The following FZD3 variants were observed in gnomAD, a reference collection of about 807,000 sequenced individuals.
FZD3 encodes frizzled-3.
In FZD3, 30 loss-of-function variants were observed where a neutral mutation model predicts 60.7. The observed-to-expected ratio is 0.49, with a 90% CI of 0.37 to 0.67. FZD3 has a LOEUF of 0.67. Ranked by LOEUF, FZD3 falls within the 30% of genes least tolerant of loss-of-function variation. The probability of loss-of-function intolerance (pLI) is 0.00; values close to 1 mark genes in which losing one functional copy is unlikely to be tolerated. For missense variants in FZD3, 605 were observed against 838.7 expected, an observed-to-expected ratio of 0.72 and a Z score of 3.44; for synonymous variants, 246 against 275.2, an observed-to-expected ratio of 0.89 and a Z score of 1.05.
At position 28,531,552 on chromosome 8, in the gene FZD3, G is replaced by A. The variant is rs117370953; in HGVS notation, c.1404+3388G>A. Among the ~76,000 whole-genome samples the A allele has an allele frequency of 7.2e-3, 1,101 of 152,184 alleles. 9 individuals carry two copies. The highest frequency in any genetic ancestry group is 0.011 in the Non-Finnish European group (748 of 67,974). On this transcript the variant is annotated intron_variant, in intron 5 of 7. Transcript: ENST00000240093. ...GCTATAAGCATGTTCAACTTAAGTC[G>A]TTATTTTAATTTATACGCACACCAG...
chr8:28,521,735 A>G (rs569489853), intron 4 of FZD3, among the ~76,000 whole-genome samples: 34 of 152,270 alleles, frequency 2.2e-4, no homozygotes, highest in African/African-American at 7.0e-4. Context: ...GTATCTATCT[A>G]TGTTTGTACC....
intron 4 of FZD3, among the ~76,000 whole-genome samples, chr8:28,525,216 C>G (rs1338302826): frequency 1.3e-5 from 2 of 151,954 alleles, no homozygotes; most frequent in Non-Finnish European, 2.9e-5. Context: ...TTCTAGATGT[C>G]GAAGATGAGC....
At chr8:28,541,406 A>C (rs1210690617) in intron 5 of FZD3, among the ~76,000 whole-genome samples, 2 of 152,192 alleles carry the variant, frequency 1.3e-5, no homozygotes, top group African/African-American at 4.8e-5. Flanking sequence ...CTTCTTGCCT[A>C]ATTGGAGGTT....
chr8:28,494,968 G>T (rs1803803367), intron 1 of FZD3, among the ~76,000 whole-genome samples: 1 of 152,108 alleles, frequency 6.6e-6, no homozygotes, highest in Non-Finnish European at 1.5e-5. Flanking sequence ...TCCCTTCCGC[G>T]AGCTTCCCCC....
At chr8:28,543,263 A>G (rs938304013) in intron 5 of FZD3, among the ~76,000 whole-genome samples, 4 of 152,104 alleles carry the variant, frequency 2.6e-5, no homozygotes, top group Non-Finnish European at 5.9e-5. Context: ...CCTCTTTACA[A>G]ATAATTATTT....
chr8:28,525,343 G>A (rs750589646), intron 4 of FZD3, among the ~76,000 whole-genome samples: 1 of 152,188 alleles, frequency 6.6e-6, no homozygotes, highest in Non-Finnish European at 1.5e-5. Flanking sequence ...GTAGGTGATA[G>A]GGATACAATA....
chr8:28,530,549 CTAT>C (rs907842428), intron 5 of FZD3: 3 of 152,024 alleles, frequency 2.0e-5, no homozygotes, highest in African/African-American at 7.2e-5. Flanking sequence ...TCTGTATTGT[CTAT>C]TATTGTTGTT....
At chr8:28,516,862 T>C (rs1379151535) in intron 3 of FZD3, among the ~76,000 whole-genome samples, 1 of 152,182 alleles carries the variant, frequency 6.6e-6, no homozygotes, top group Admixed American at 6.5e-5. Context: ...CCCTAAAAAT[T>C]ATGATGTGTA....
At chr8:28,554,838 A>G (rs1161089300) in intron 6 of FZD3, among the ~76,000 whole-genome samples, 2 of 152,174 alleles carry the variant, frequency 1.3e-5, no homozygotes, top group Non-Finnish European at 2.9e-5. Context: ...ATTTCTCAAT[A>G]TATGATCCAA....
At chr8:28,533,870 G>T (rs1015807751) in intron 5 of FZD3, among the ~76,000 whole-genome samples, 9 of 151,966 alleles carry the variant, frequency 5.9e-5, no homozygotes, top group Non-Finnish European at 1.3e-4. Context: ...TTCTATATGT[G>T]AGTCCCATGA....
At chr8:28,546,333 C>T (rs1444937959) in intron 5 of FZD3, among the ~76,000 whole-genome samples, 1 of 152,190 alleles carries the variant, frequency 6.6e-6, no homozygotes, top group African/African-American at 2.4e-5. Flanking sequence ...AAATGACCAT[C>T]GAAATAGGCA....
In FZD3 at chr8:28,496,184, C is replaced by A. The variant is rs557019466; in HGVS notation, c.-391+1841C>A. On this transcript the variant is annotated intron_variant, in intron 1 of 7. Coordinates refer to ENST00000240093, the MANE Select transcript of FZD3 (RefSeq NM_017412.4). Reference sequence around the variant, plus strand: ...TTCTTTGTATAGAACAAAGTGAAAGCTTTATCACTGGGGAAGGAGAGAGGA... The same window carrying A: ...TTCTTTGTATAGAACAAAGTGAAAGATTTATCACTGGGGAAGGAGAGAGGA... Among the ~76,000 whole-genome samples the A allele has an allele frequency of 2.0e-5, 3 of 152,272 alleles. No homozygotes were observed. The South Asian group carries it at 6.2e-4, about 32-fold the overall frequency.
chr8:28,494,868 C>T (rs188722437), intron 1 of FZD3, among the ~76,000 whole-genome samples: 2 of 152,102 alleles, frequency 1.3e-5, no homozygotes, highest in African/African-American at 2.4e-5. Flanking sequence ...GCCAGGCTCC[C>T]GGCCCCGGCT....
intron 6 of FZD3, among the ~76,000 whole-genome samples, chr8:28,554,806 A>C (rs13267664): frequency 9.2e-5 from 14 of 151,860 alleles, no homozygotes; most frequent in Non-Finnish European, 2.1e-4. Context: ...CTTTTGTAAT[A>C]TGAGAATTTA....
intron 3 of FZD3, among the ~76,000 whole-genome samples, chr8:28,517,626 G>A (rs1254845250): frequency 6.6e-6 from 1 of 151,924 alleles, no homozygotes; most frequent in Non-Finnish European, 1.5e-5. Flanking sequence ...TTTTTGGTCT[G>A]TGACCTTCTT....
In FZD3 at chr8:28,566,669, T is replaced by C. The variant is rs1382446179; in HGVS notation, c.*3658T>C. 6.6e-6 allele frequency: 1 copy of C among 152,194 alleles called. No individual in the cohort carries two copies. Among genetic ancestry groups the C allele is most frequent in the Non-Finnish European group, 1.5e-5 (1 of 68,024 alleles). 9.4% of individuals were successfully genotyped at this position (152,194 alleles called of 1,614,324 possible). A position where few individuals can be genotyped will look rare whatever the true frequency, so the allele number is the denominator to read the frequency against. Reference sequence around the variant, plus strand: ...AAATTAGTGAATCATTTGCTGGAGCTTAGAAAATATTAACATACCAAAATT... The same window carrying C: ...AAATTAGTGAATCATTTGCTGGAGCCTAGAAAATATTAACATACCAAAATT... On this transcript the variant is annotated 3_prime_UTR_variant, in exon 8 of 8. Transcript: ENST00000240093.
At chr8:28,508,236 TTTC>T (rs1329012887) in intron 3 of FZD3, among the ~76,000 whole-genome samples, 2 of 151,998 alleles carry the variant, frequency 1.3e-5, no homozygotes, top group Non-Finnish European at 2.9e-5. Flanking sequence ...TGTTTAACAG[TTTC>T]TTTTCTTTCT....
chr8:28,557,741 AT>A (rs2130469125), intron 7 of FZD3, among the ~76,000 whole-genome samples: 1 of 152,216 alleles, frequency 6.6e-6, no homozygotes, highest in South Asian at 2.1e-4. Flanking sequence ...CAGTGACTTC[AT>A]TTTAACCACA....
intron 5 of FZD3, among the ~76,000 whole-genome samples, chr8:28,532,751 T>C (rs1472208594): frequency 2.6e-5 from 4 of 152,220 alleles, no homozygotes; most frequent in African/African-American, 9.6e-5. Flanking sequence ...CAAACATCCT[T>C]GTTGAACTCC....
Sources: gnomAD v4.1 joint callset for allele counts (sites outside exome capture counted in the v4.1 genomes callset) on GRCh38, gnomAD v4.1.1 for gene constraint, MANE v1.5 for transcripts, NCBI Gene and HGNC (gene_info 2026-07-23, HGNC 2026-07-21) for gene names.